Variants in TFB1M observed in about 807,000 individuals in gnomAD.
TFB1M encodes the protein dimethyladenosine transferase 1, mitochondrial.
In TFB1M, 27 loss-of-function variants were observed where a neutral mutation model predicts 31.1. The ratio of observed to expected loss-of-function variants is 0.87; its 90% CI spans 0.64 to 1.20. The LOEUF (loss-of-function observed/expected upper bound fraction) is 1.20. Ranked by LOEUF, TFB1M falls within the 50% of genes most tolerant of loss-of-function variation. The probability of loss-of-function intolerance (pLI) is 0.00; values close to 1 mark genes in which losing one functional copy is unlikely to be tolerated. For missense variants in TFB1M, 394 were observed against 418.7 expected, an observed-to-expected ratio of 0.94 and a Z score of 0.51; for synonymous variants, 166 against 151.8, an observed-to-expected ratio of 1.09 and a Z score of -0.69.
chr6:155,233,597 CTT>C, the TFB1M span, among the ~76,000 whole-genome samples: 2 of 152,176 alleles, frequency 1.3e-5, no homozygotes, highest in Admixed American at 6.5e-5. Context: ...ATTCAGAGCT[CTT>C]GAGTGGGATG....
At chr6:155,236,214 G>A in the TFB1M span, among the ~76,000 whole-genome samples, 1 of 151,868 alleles carries the variant, frequency 6.6e-6, no homozygotes, top group Admixed American at 6.6e-5. Context: ...CGTGAGCTCT[G>A]TCCACATACC....
chr6:155,313,467 A>G (rs902392319), intron 1 of TFB1M, among the ~76,000 whole-genome samples: 90 of 152,296 alleles, frequency 5.9e-4, no homozygotes, highest in African/African-American at 2.1e-3. Flanking sequence ...GAAAATCTCA[A>G]AACCTAAGTA....
chr6:155,311,471 T>C, intron 1 of TFB1M, 132 bp from the exon 2 acceptor site: 1 of 772,404 alleles, frequency 1.3e-6, no homozygotes, highest in Middle Eastern at 3.2e-4. Flanking sequence ...AATATTTATT[T>C]GACTATTTAA....
intron 6 of TFB1M, among the ~76,000 whole-genome samples, chr6:155,258,344 A>G (rs1784215279): frequency 6.6e-6 from 1 of 152,120 alleles, no homozygotes; most frequent in Admixed American, 6.5e-5. Flanking sequence ...TACTTTTTAA[A>G]GGTAAGTAAG....
At chr6:155,243,086 G>A in the TFB1M span, among the ~76,000 whole-genome samples, 1 of 152,232 alleles carries the variant, frequency 6.6e-6, no homozygotes, top group East Asian at 1.9e-4. Flanking sequence ...CATGGGTTTT[G>A]TAACTGCAGT....
the TFB1M span, among the ~76,000 whole-genome samples, chr6:155,230,257 T>C: frequency 0.59 from 89,368 of 152,074 alleles, 27,676 homozygotes; most frequent in Middle Eastern, 0.74. Flanking sequence ...GTCTTTGTGG[T>C]GTCCACAGTT....
downstream of TFB1M, chr6:155,254,892 C>G (rs1783903374): frequency 8.7e-6 from 2 of 229,180 alleles, no homozygotes; most frequent in Non-Finnish European, 1.8e-5. Context: ...AGAACAGTGC[C>G]AGGCATCCTG....
intron 6 of TFB1M, among the ~76,000 whole-genome samples, chr6:155,260,009 G>A (rs1468232770): frequency 6.6e-6 from 1 of 152,168 alleles, no homozygotes; most frequent in Non-Finnish European, 1.5e-5. Flanking sequence ...GGGGAACCAC[G>A]AGCTCCCTGG....
chr6:155,290,938 A>G (rs566337331), intron 4 of TFB1M, among the ~76,000 whole-genome samples: 105 of 152,270 alleles, frequency 6.9e-4, no homozygotes, highest in African/African-American at 2.5e-3. Flanking sequence ...GTAATGAGAT[A>G]ACTTAGGATG....
intron 5 of TFB1M, chr6:155,275,794 T>G: frequency 1.2e-6 from 2 of 1,614,124 alleles, no homozygotes; most frequent in Non-Finnish European, 1.7e-6. Context: ...TCACAGCCAC[T>G]CTGCTGCCCA....
the TFB1M span, among the ~76,000 whole-genome samples, chr6:155,243,395 C>A: frequency 6.6e-6 from 1 of 152,184 alleles, no homozygotes; most frequent in South Asian, 2.1e-4. Flanking sequence ...AGTGCCCCTG[C>A]TGCAGTGGCC....
chr6:155,281,514 G>A (rs528631180), intron 5 of TFB1M, among the ~76,000 whole-genome samples: 1 of 152,246 alleles, frequency 6.6e-6, no homozygotes, highest in Admixed American at 6.5e-5. Context: ...CTGAGGCCAG[G>A]AGTTCGAGAC....
chr6:155,271,996 C>T (rs527610112), intron 5 of TFB1M, among the ~76,000 whole-genome samples: 74 of 152,308 alleles, frequency 4.9e-4, no homozygotes, highest in African/African-American at 1.7e-3. Flanking sequence ...TCTTCTAACA[C>T]CATCAGCAGT....
intron 2 of TFB1M, among the ~76,000 whole-genome samples, chr6:155,301,712 T>C (rs1777437092): frequency 6.6e-6 from 1 of 152,156 alleles, no homozygotes; most frequent in Admixed American, 6.5e-5. Flanking sequence ...AAGGCATCAT[T>C]ACATAAGGCT....
At chr6:155,245,615 C>G in the TFB1M span, 1 of 1,609,538 alleles carries the variant, frequency 6.2e-7, no homozygotes, top group Non-Finnish European at 8.5e-7. Context: ...TCCCCTCTGC[C>G]CTTCTAGAAA....
intron 3 of TFB1M, among the ~76,000 whole-genome samples, chr6:155,297,825 C>T (rs931840361): frequency 6.6e-6 from 1 of 152,110 alleles, no homozygotes; most frequent in African/African-American, 2.4e-5. Context: ...GGGGCAGAAA[C>T]CTGAAGACTG....
At chr6:155,276,217 C>T (rs200362086) in intron 5 of TFB1M, 63 of 1,614,096 alleles carry the variant, frequency 3.9e-5, no homozygotes, top group South Asian at 3.7e-4. Context: ...CTATCTATAT[C>T]GGATTCATTT....
intron 4 of TFB1M, among the ~76,000 whole-genome samples, chr6:155,287,396 CAT>C (rs1776710998): frequency 6.6e-6 from 1 of 151,890 alleles, no homozygotes. Context: ...TAAAAATCAA[CAT>C]GTGAACGAAA....
intron 5 of TFB1M, among the ~76,000 whole-genome samples, chr6:155,277,739 G>C (rs1028082790): frequency 6.6e-6 from 1 of 152,176 alleles, no homozygotes; most frequent in Admixed American, 6.5e-5. Flanking sequence ...ATTGTTTAAA[G>C]TATGTATTCC....
Sources: allele counts gnomAD v4.1 joint callset (sites outside exome capture counted in the v4.1 genomes callset), GRCh38; gene constraint gnomAD v4.1.1; transcripts MANE v1.5; gene names NCBI Gene and HGNC (gene_info 2026-07-23, HGNC 2026-07-21).